The following GPSM2 variants were observed in gnomAD, a reference collection of about 807,000 sequenced individuals.
GPSM2 encodes G protein signaling modulator 2, also known as G protein-signaling modulator 2.
GPSM2 carries 58 observed loss-of-function variants against 78.4 expected under a neutral mutation model. The observed-to-expected ratio is 0.74, with a 90% confidence interval of 0.60 to 0.92. GPSM2 has a LOEUF of 0.92. GPSM2 is among the 40% of genes least tolerant of loss of function. The pLI, the probability that GPSM2 is intolerant of heterozygous loss-of-function variation, is 0.00. For missense variants in GPSM2, 700 were observed against 815.5 expected, an observed-to-expected ratio of 0.86 and a Z score of 1.73; for synonymous variants, 224 against 280.2, an observed-to-expected ratio of 0.80 and a Z score of 2.00.
chr1:108,882,850 A>T (rs897289373), intron 1 of GPSM2, among the ~76,000 whole-genome samples: 2 of 152,276 alleles, frequency 1.3e-5, no homozygotes, highest in Admixed American at 1.3e-4. Context: ...AAGAGATTTG[A>T]TGTGTTGATA....
intron 2 of GPSM2, among the ~76,000 whole-genome samples, chr1:108,895,360 G>A (rs1254142230): frequency 6.6e-6 from 1 of 152,178 alleles, no homozygotes; most frequent in African/African-American, 2.4e-5. Flanking sequence ...TGCCACTGGT[G>A]GTACATAAGG....
chr1:108,878,963 T>C (rs1444828567), intron 1 of GPSM2, among the ~76,000 whole-genome samples: 1 of 152,240 alleles, frequency 6.6e-6, no homozygotes. Context: ...TCTGTGTGTC[T>C]GTTTAAATCT....
rs527270688 is a variant in GPSM2 at position 108,931,461 on chromosome 1, T to A, written c.*1521T>A. 168 of 1,550,822 alleles carry A rather than the reference T, an allele frequency of 1.1e-4. 1 individual carries two copies. In the South Asian group the frequency reaches 1.1e-3, roughly 10 times the overall value. On this transcript the variant is annotated 3_prime_UTR_variant, in exon 15 of 15. Transcript: ENST00000264126. ...GGAACAAGTTGCCAACTTGTTTCAC[T>A]CTGCTTGCTTCAGACTGTGCACAGC...
At chr1:108,898,248 T>TTACA (rs1439263440) in intron 5 of GPSM2, 147 bp downstream of exon 5, 5 of 795,974 alleles carry the variant, frequency 6.3e-6, no homozygotes, top group Non-Finnish European at 1.1e-5. Context: ...TGCTTAAATG[T>TTACA]TACAGTGTTA....
intron 2 of GPSM2, among the ~76,000 whole-genome samples, chr1:108,889,960 A>G (rs186435562): frequency 1.1e-4 from 16 of 152,060 alleles, no homozygotes; most frequent in African/African-American, 3.9e-4. Context: ...GCTGTTTTAT[A>G]TTTCAGTGTC....
intron 7 of GPSM2, 62 bp downstream of exon 7, chr1:108,899,056 C>A: frequency 1.0e-6 from 1 of 1,003,312 alleles, no homozygotes; most frequent in Non-Finnish European, 1.6e-6. Flanking sequence ...AATTCATAGG[C>A]TTTAGGTTTA....
At chr1:108,911,527 A>C (rs924044722) in intron 10 of GPSM2, among the ~76,000 whole-genome samples, 2 of 152,188 alleles carry the variant, frequency 1.3e-5, no homozygotes, top group Non-Finnish European at 2.9e-5. Context: ...ACTCCATCTC[A>C]GAAAAACAAA....
Position 108,932,553 on chromosome 1 carries a change from A to T in GPSM2, c.*2613A>T, listed in dbSNP as rs980495822. On this transcript the variant is annotated 3_prime_UTR_variant, in exon 15 of 15. Coordinates refer to ENST00000264126, the MANE Select transcript of GPSM2 (RefSeq NM_013296.5). ...ATTTTATTTAAAAATTTTTTAAAAG[A>T]ATTTGGTTTTGGATTAAAAGGCATG... 3 of 152,204 alleles carry T rather than the reference A, an allele frequency of 2.0e-5. No homozygotes were observed. Among genetic ancestry groups the T allele is most frequent in the African/African-American group, 7.2e-5 (3 of 41,450 alleles). The allele number at this position is 152,204 out of a possible 1,614,324, so 9.4% of individuals were successfully genotyped here.
intron 7 of GPSM2, among the ~76,000 whole-genome samples, chr1:108,900,113 G>T (rs945157209): frequency 1.3e-5 from 2 of 151,802 alleles, no homozygotes; most frequent in African/African-American, 4.8e-5. Flanking sequence ...TTTGACTAAA[G>T]AAGCATGAAT....
At chr1:108,888,043 ATGTTTT>A (rs908510411) in intron 2 of GPSM2, among the ~76,000 whole-genome samples, 23 of 152,188 alleles carry the variant, frequency 1.5e-4, no homozygotes, top group African/African-American at 4.1e-4. Context: ...ATTAGGGAAT[ATGTTTT>A]TGTTTTTGTT....
At position 108,917,646 on chromosome 1, in the gene GPSM2, AT is replaced by A. The variant is rs1472979691; in HGVS notation, c.1264-966del. Among the ~76,000 whole-genome samples, 5 of 27,780 alleles carry A rather than the reference AT, an allele frequency of 1.8e-4. 1 individual carries two copies. In the South Asian group the frequency reaches 3.1e-3, roughly 17 times the overall value. The allele number at this position is 27,780 out of a possible 152,430, so 18.2% of individuals were successfully genotyped here. On this transcript the variant is annotated intron_variant, in intron 11 of 14. Transcript: ENST00000264126. ...TATATATATATATATATATATATAT[AT>A]ATATATATATATATATATAAATGAG...
In GPSM2 at chr1:108,889,837, C is replaced by T. The variant is rs529749663; in HGVS notation, c.56+4259C>T. On this transcript the variant is annotated intron_variant, in intron 2 of 14. Coordinates refer to ENST00000264126, the MANE Select transcript of GPSM2 (RefSeq NM_013296.5). ...CTAGGGTGGCTCCTAGTCACCCGGC[C>T]AAGCTGAACATAGAACACAAGATCT... 7.9e-5 allele frequency among the ~76,000 whole-genome samples: 12 copies of T among 152,290 alleles called. No homozygotes were observed. In the East Asian group the frequency reaches 1.7e-3, roughly 22 times the overall value.
At chr1:108,902,050 CTT>C in intron 8 of GPSM2, 105 bp downstream of exon 8, 1 of 799,536 alleles carries the variant, frequency 1.3e-6, no homozygotes, top group Non-Finnish European at 2.1e-6. Context: ...CTTAAAATCC[CTT>C]TTAAGGAATT....
intron 1 of GPSM2, among the ~76,000 whole-genome samples, chr1:108,879,616 C>G (rs140362711): frequency 1.3e-5 from 2 of 152,194 alleles, no homozygotes; most frequent in African/African-American, 4.8e-5. Context: ...GGGCGGATCA[C>G]GAGGTCAGGA....
chr1:108,904,198 A>G lies in GPSM2; in HGVS notation c.1136A>G (p.Tyr379Cys), dbSNP rs1177516149. 4 of 1,596,558 alleles carry G rather than the reference A, an allele frequency of 2.5e-6. No homozygotes were observed. The highest frequency in any genetic ancestry group is 1.7e-5 in the Admixed American group (1 of 59,984). Residue 379 changes from tyrosine (Y) to cysteine (C), a missense_variant, in exon 10 of 15, where the codon TAC (tyrosine) becomes TGC (cysteine). Tyr to Cys is a radical substitution (Grantham distance 194). Coordinates refer to ENST00000264126, the MANE Select transcript of GPSM2 (RefSeq NM_013296.5). ...CTTCAAATGGTTCTTGGTCTGAGCT[A>G]CAGCACAAATAACTCCATAATGTCT... ...SDLQMVLGLS[Y>C]STNNSIMSEN... is the part of the protein sequence containing the mutation.
intron 2 of GPSM2, among the ~76,000 whole-genome samples, chr1:108,889,742 G>A (rs1242777621): frequency 6.6e-6 from 1 of 152,072 alleles, no homozygotes; most frequent in Non-Finnish European, 1.5e-5. Context: ...GGAACCCGTC[G>A]TTTTGACTTG....
intron 14 of GPSM2, among the ~76,000 whole-genome samples, chr1:108,924,540 G>A (rs1181089647): frequency 1.3e-5 from 2 of 152,144 alleles, no homozygotes; most frequent in East Asian, 3.9e-4. Context: ...TAGTGGGTAA[G>A]CAAAGGTGTT....
At chr1:108,884,792 T>C (rs1458758657) in intron 1 of GPSM2, among the ~76,000 whole-genome samples, 1 of 152,184 alleles carries the variant, frequency 6.6e-6, no homozygotes, top group East Asian at 1.9e-4. Flanking sequence ...AAAAAACATT[T>C]TAAAGACCTT....
rs201256424 is a variant in GPSM2, at chr1:108,922,606, T to A, written c.1600+30T>A. ...GTCATCTCTGTTTCTCCCCCGATTT[T>A]AATAGTTCTCTTTGATATTCTTGTG... On this transcript the variant is annotated intron_variant, in intron 13 of 14. Coordinates refer to ENST00000264126, the MANE Select transcript of GPSM2 (RefSeq NM_013296.5). 513 of 1,544,864 alleles carry A rather than the reference T, an allele frequency of 3.3e-4. 1 individual carries two copies. The African/African-American group carries it at 5.2e-3, about 16-fold the overall frequency.
Sources: allele counts gnomAD v4.1 joint callset (sites outside exome capture counted in the v4.1 genomes callset), GRCh38; gene constraint gnomAD v4.1.1; transcripts MANE v1.5; gene names NCBI Gene and HGNC (gene_info 2026-07-23, HGNC 2026-07-21).